The following BABAM2 variants were observed in gnomAD, a reference collection of about 807,000 sequenced individuals.
The protein encoded by BABAM2 is BRISC and BRCA1-A complex member 2.
Under a neutral mutation model 54.7 loss-of-function variants are expected in BABAM2, and 31 were observed. The ratio of observed to expected loss-of-function variants is 0.57; its 90% confidence interval spans 0.43 to 0.77. BABAM2 has a LOEUF of 0.77. Among genes scored for constraint, BABAM2 ranks in the 30% least tolerant of loss-of-function variants. The pLI is 0.00. For synonymous variants in BABAM2, 167 were observed against 162.9 expected (o/e 1.03, Z -0.19); for missense variants, 364 against 455.8 (o/e 0.80, Z 1.83).
intron 7 of BABAM2, among the ~76,000 whole-genome samples, chr2:28,207,263 G>A (rs547617705): frequency 6.6e-6 from 1 of 152,178 alleles, no homozygotes; most frequent in East Asian, 1.9e-4. Flanking sequence ...CAGCACTTTG[G>A]GAGGCCAAGG....
chr2:27,956,742 A>G (rs1670118048), intron 3 of BABAM2, among the ~76,000 whole-genome samples: 3 of 152,208 alleles, frequency 2.0e-5, no homozygotes, highest in Non-Finnish European at 4.4e-5. Flanking sequence ...GAGCAGGTTG[A>G]CATACATATT....
Position 27,980,735 on chromosome 2 carries a change from TAA to T in BABAM2, c.206-7247_206-7246del, listed in dbSNP as rs5830059. The stretch of plus-strand genomic sequence containing the variant: ...CCCCTTTTAGTACATATCTTTTCCT[TAA>T]AAAAAAAAAACTTTATTATATATTC... On this transcript the variant is annotated intron_variant, in intron 3 of 11. Coordinates refer to ENST00000379624, the MANE Select transcript of BABAM2 (RefSeq NM_199191.3). Among the ~76,000 whole-genome samples the T allele has an allele frequency of 6.0e-3, 894 of 148,952 alleles. 8 individuals are homozygous for T. The highest frequency in any genetic ancestry group is 7.0e-3 in the Middle Eastern group (2 of 286).
intron 7 of BABAM2, among the ~76,000 whole-genome samples, chr2:28,163,541 C>T (rs1485584276): frequency 2.0e-5 from 3 of 152,082 alleles, no homozygotes; most frequent in African/African-American, 7.2e-5. Flanking sequence ...TGCCAGATAT[C>T]TAATAGAATG....
intron 4 of BABAM2, among the ~76,000 whole-genome samples, chr2:28,019,061 T>C (rs910128690): frequency 1.3e-5 from 2 of 152,110 alleles, no homozygotes; most frequent in African/African-American, 4.8e-5. Flanking sequence ...CCATATGTTC[T>C]CATTGTTCAA....
rs534014302 is a variant in BABAM2 at position 28,322,785 on chromosome 2, C to T, written c.1089-15665C>T. Among the ~76,000 whole-genome samples the T allele has an allele frequency of 6.6e-6, 1 of 152,316 alleles. No individual in the cohort carries two copies. Among genetic ancestry groups the T allele is most frequent in the Admixed American group, 6.5e-5 (1 of 15,308 alleles). The stretch of plus-strand genomic sequence containing the variant: ...ACCCTTCACCTGCAGAGTAAAGGGG[C>T]TCCTGCTTAGCTGACTGCCAGACTT... On this transcript the variant is annotated intron_variant, in intron 11 of 11. Coordinates refer to ENST00000379624, the MANE Select transcript of BABAM2 (RefSeq NM_199191.3). The surrounding 1 kb of genome is among the most constrained non-coding windows in gnomAD (Gnocchi z 4.1).
At chr2:28,181,834 AG>A (rs1433153491) in intron 7 of BABAM2, among the ~76,000 whole-genome samples, 1 of 151,642 alleles carries the variant, frequency 6.6e-6, no homozygotes, top group East Asian at 1.9e-4. Flanking sequence ...GAGAGGGAGT[AG>A]GGGTTGGGGT....
At position 28,016,360 on chromosome 2, in the gene BABAM2, C is replaced by G. The variant is rs1573396809; in HGVS notation, c.301-8866C>G. 2.3e-6 allele frequency: 3 copies of G among 1,306,786 alleles called. No individual in the cohort carries two copies. In the East Asian group the frequency reaches 7.0e-5, roughly 30 times the overall value. The allele number at this position is 1,306,786 out of a possible 1,614,324, so 80.9% of individuals were successfully genotyped here. A position where few individuals can be genotyped will look rare whatever the true frequency, so the allele number is the denominator to read the frequency against. ...TTTCTAGTTGCTCTTTTACTTCTTC[C>G]CAGGTAGGCCTTGATCGATTCAGAT... On this transcript the variant is annotated intron_variant, in intron 4 of 11. Coordinates refer to ENST00000379624, the MANE Select transcript of BABAM2 (RefSeq NM_199191.3).
At chr2:28,236,349 T>A (rs113375619) in intron 7 of BABAM2, among the ~76,000 whole-genome samples, 32 of 152,010 alleles carry the variant, frequency 2.1e-4, no homozygotes, top group Non-Finnish European at 4.1e-4. Context: ...AATTTCTTTT[T>A]TTTTTTCTTT....
chr2:27,946,702 G>GGAGA (rs937278341), intron 3 of BABAM2, among the ~76,000 whole-genome samples: 1 of 151,042 alleles, frequency 6.6e-6, no homozygotes, highest in South Asian at 2.1e-4. Flanking sequence ...GGAGAAGAGA[G>GGAGA]GAGAGAGAGA....
At chr2:28,089,755 G>T (rs1666000534) in intron 6 of BABAM2, among the ~76,000 whole-genome samples, 2 of 152,160 alleles carry the variant, frequency 1.3e-5, no homozygotes, top group African/African-American at 2.4e-5. Flanking sequence ...CATAATGGCA[G>T]AATGGTTCTG....
At chr2:28,104,916 C>A (rs186927233) in intron 6 of BABAM2, among the ~76,000 whole-genome samples, 3,039 of 152,026 alleles carry the variant, frequency 0.02, 35 homozygotes, top group African/African-American at 0.033. Context: ...GGAAACCGTC[C>A]TTCTCAGCAA....
At chr2:28,180,046 G>A (rs943056548) in intron 7 of BABAM2, among the ~76,000 whole-genome samples, 1 of 151,980 alleles carries the variant, frequency 6.6e-6, no homozygotes, top group Admixed American at 6.6e-5. Context: ...ACTACTCAAA[G>A]CAATCTACAG....
At chr2:28,262,935 G>T (rs768800452) in intron 10 of BABAM2, among the ~76,000 whole-genome samples, 19 of 152,216 alleles carry the variant, frequency 1.2e-4, no homozygotes, top group South Asian at 1.2e-3. Flanking sequence ...TCCCAAAGAG[G>T]TGATCCAAAT....
At chr2:28,204,515 C>G (rs1006897537) in intron 7 of BABAM2, among the ~76,000 whole-genome samples, 1 of 151,594 alleles carries the variant, frequency 6.6e-6, no homozygotes, top group African/African-American at 2.4e-5. Flanking sequence ...CCTCCTGGCT[C>G]TTTGGCCTAT....
intron 9 of BABAM2, among the ~76,000 whole-genome samples, chr2:28,243,761 G>T (rs1172155869): frequency 6.6e-6 from 1 of 152,022 alleles, no homozygotes; most frequent in African/African-American, 2.4e-5. Context: ...GTCGACTTAA[G>T]ATCTGAATGA....
At chr2:28,048,973 G>A (rs533488415) in intron 6 of BABAM2, among the ~76,000 whole-genome samples, 34 of 152,284 alleles carry the variant, frequency 2.2e-4, no homozygotes, top group Admixed American at 7.8e-4. Flanking sequence ...TAAGAAGGCT[G>A]TGTTTTTGTT....
chr2:28,156,936 G>T (rs1200623101), intron 7 of BABAM2, among the ~76,000 whole-genome samples: 1 of 152,168 alleles, frequency 6.6e-6, no homozygotes, highest in African/African-American at 2.4e-5. Flanking sequence ...TTAATTGATA[G>T]AAATCTCTTT....
intron 6 of BABAM2, among the ~76,000 whole-genome samples, chr2:28,060,469 A>G (rs1678768577): frequency 6.6e-6 from 1 of 152,136 alleles, no homozygotes. Context: ...TCACCATTCT[A>G]TTCAGTACTG....
At chr2:28,317,227 G>A (rs776162522) in intron 11 of BABAM2, among the ~76,000 whole-genome samples, 22 of 152,166 alleles carry the variant, frequency 1.4e-4, no homozygotes, top group Non-Finnish European at 2.6e-4. Flanking sequence ...CTGACTAAGC[G>A]TCCTGCGGTT....
Sources: gnomAD v4.1 joint callset for allele counts (sites outside exome capture counted in the v4.1 genomes callset) on GRCh38, gnomAD v4.1.1 for gene constraint, Gnocchi (gnomAD v3.1) non-coding constraint, MANE v1.5 for transcripts, NCBI Gene and HGNC (gene_info 2026-07-23, HGNC 2026-07-21) for gene names.